Variants in MAEA observed in about 807,000 individuals in gnomAD.
The protein encoded by MAEA is macrophage erythroblast attacher, E3 ubiquitin ligase, also known as E3 ubiquitin-protein transferase MAEA.
In MAEA, 22 loss-of-function variants were observed where a neutral mutation model predicts 46.2. That is an observed-to-expected ratio of 0.48 (90% CI 0.34 to 0.68). MAEA has a LOEUF of 0.68. Among genes scored for constraint, MAEA ranks in the 30% least tolerant of loss-of-function variants. The pLI, the probability that MAEA is intolerant of heterozygous loss-of-function variation, is 0.01. For missense variants in MAEA, 393 were observed against 558.1 expected, an observed-to-expected ratio of 0.70 and a Z score of 2.98; for synonymous variants, 246 against 222.6, an observed-to-expected ratio of 1.11 and a Z score of -0.94.
At chr4:1,293,698 A>T (rs1412623442) in intron 1 of MAEA, among the ~76,000 whole-genome samples, 1 of 152,176 alleles carries the variant, frequency 6.6e-6, no homozygotes, top group Non-Finnish European at 1.5e-5. Context: ...CAAGGTGGTG[A>T]TGCTGTCCTC....
At chr4:1,332,949 G>T in intron 6 of MAEA, 84 bp downstream of exon 6, 1 of 1,033,496 alleles carries the variant, frequency 9.7e-7, no homozygotes, top group Non-Finnish European at 1.4e-6. Context: ...TTCCACACGT[G>T]GGGCGGGACG....
intron 5 of MAEA, chr4:1,329,601 C>T: frequency 1.0e-6 from 1 of 985,472 alleles, no homozygotes; most frequent in Non-Finnish European, 1.2e-6. Flanking sequence ...CTGGGGCCGT[C>T]TTGGGAGTGG....
chr4:1,312,259 C>A, intron 2 of MAEA, 98 bp downstream of exon 2: 1 of 1,459,242 alleles, frequency 6.9e-7, no homozygotes, highest in South Asian at 1.2e-5. Flanking sequence ...ATGATGGGAA[C>A]GCGGGAGGTG....
rs1713295212 is a variant in MAEA at position 1,339,989 on chromosome 4, A to C, written c.*820A>C. 6.5e-6 allele frequency: 1 copy of C among 152,698 alleles called. No homozygotes were observed. The highest frequency in any genetic ancestry group is 1.5e-5 in the Non-Finnish European group (1 of 68,046). 9.5% of individuals were successfully genotyped at this position (152,698 alleles called of 1,614,324 possible). On this transcript the variant is annotated 3_prime_UTR_variant, in exon 9 of 9. Transcript: ENST00000303400. Reference sequence around the variant, plus strand: ...AATCGTTCAGTTGAAAGAAGTACTGATGACTTTTCAAAACAAATGAACCAC... The same window carrying C: ...AATCGTTCAGTTGAAAGAAGTACTGCTGACTTTTCAAAACAAATGAACCAC...
intron 7 of MAEA, 138 bp from the exon 8 acceptor site, chr4:1,338,284 G>A (rs777670704): frequency 3.1e-6 from 2 of 642,462 alleles, no homozygotes; most frequent in Non-Finnish European, 5.3e-6. Flanking sequence ...CCTGTGCCTC[G>A]AAAGACAGCC....
intron 4 of MAEA, among the ~76,000 whole-genome samples, chr4:1,325,404 G>A (rs776468248): frequency 1.5e-5 from 2 of 135,008 alleles, no homozygotes; most frequent in South Asian, 2.3e-4. Context: ...GTGTAGACTC[G>A]GTGTTTTAGA....
chr4:1,304,264 G>A (rs1453054155), intron 1 of MAEA, among the ~76,000 whole-genome samples: 1 of 152,138 alleles, frequency 6.6e-6, no homozygotes, highest in African/African-American at 2.4e-5. Flanking sequence ...GGTAAAGAAT[G>A]TAAAATATCT....
intron 3 of MAEA, among the ~76,000 whole-genome samples, chr4:1,319,093 C>T (rs963866975): frequency 2.6e-5 from 4 of 152,186 alleles, no homozygotes; most frequent in Non-Finnish European, 4.4e-5. Context: ...GCTCTCAACC[C>T]GTAATCCTAG....
rs73073737 is a variant in MAEA at position 1,318,966 on chromosome 4, A to G, written c.456+3366A>G. On this transcript the variant is annotated intron_variant, in intron 3 of 8. Transcript: ENST00000303400. ...GAAGCTGCTGCCCAGGGAAGGCCAC[A>G]CAGGAACAGGACAGGAAGCCTGCTG... Among the ~76,000 whole-genome samples, 732 of 114,800 alleles carry G rather than the reference A, an allele frequency of 6.4e-3. 8 individuals carry two copies. The highest frequency in any genetic ancestry group is 0.027 in the African/African-American group (705 of 26,290). The allele number at this position is 114,800 out of a possible 152,430, so 75.3% of individuals were successfully genotyped here.
At chr4:1,333,289 C>G (rs931116544) in intron 6 of MAEA, among the ~76,000 whole-genome samples, 1 of 151,226 alleles carries the variant, frequency 6.6e-6, no homozygotes, top group Non-Finnish European at 1.5e-5. Context: ...TGCAGTGAGC[C>G]AAGATTGTGC....
chr4:1,307,596 G>A (rs947339887), intron 1 of MAEA, among the ~76,000 whole-genome samples: 1 of 152,206 alleles, frequency 6.6e-6, no homozygotes, highest in Non-Finnish European at 1.5e-5. Flanking sequence ...ATTTATTGGG[G>A]AACTGGCTTG....
Position 1,335,518 on chromosome 4 carries a change from T to C in MAEA, c.766-1343T>C, listed in dbSNP as rs377679071. 15 of 767,732 alleles carry C rather than the reference T, an allele frequency of 2.0e-5. No individual in the cohort carries two copies. The Admixed American group carries it at 3.4e-4, about 17-fold the overall frequency. 47.6% of individuals were successfully genotyped at this position (767,732 alleles called of 1,614,324 possible). ...CAGAGTTAAGTCAGCACTGGCCCCATGGCGTGTTGAAACCACAGAGTTAAG... is the reference window on the plus strand; with the variant it reads ...CAGAGTTAAGTCAGCACTGGCCCCACGGCGTGTTGAAACCACAGAGTTAAG... On this transcript the variant is annotated intron_variant, in intron 6 of 8. Coordinates refer to ENST00000303400, the MANE Select transcript of MAEA (RefSeq NM_001017405.3).
At chr4:1,327,822 T>C in intron 5 of MAEA, 119 bp downstream of exon 5, 1 of 763,924 alleles carries the variant, frequency 1.3e-6, no homozygotes, top group Admixed American at 2.3e-5. Flanking sequence ...CCCCTGGGTC[T>C]TGAGTCTGAC....
At chr4:1,337,296 C>A in intron 7 of MAEA, 1 of 393,506 alleles carries the variant, frequency 2.5e-6, no homozygotes, top group Non-Finnish European at 4.6e-6. Context: ...CGGCAGATTA[C>A]CATTCAGAAT....
intron 2 of MAEA, among the ~76,000 whole-genome samples, chr4:1,314,644 C>A (rs187956558): frequency 6.6e-6 from 1 of 152,120 alleles, no homozygotes; most frequent in South Asian, 2.1e-4. Flanking sequence ...GGTCAGAATC[C>A]GACACAGAGT....
intron 1 of MAEA, among the ~76,000 whole-genome samples, chr4:1,295,207 C>T (rs1040534346): frequency 5.3e-5 from 8 of 152,008 alleles, no homozygotes; most frequent in East Asian, 1.9e-4. Context: ...GGCTTCAGGC[C>T]GAGTGGGGAT....
chr4:1,315,727 T>C (rs2108922936), intron 3 of MAEA, 127 bp downstream of exon 3: 1 of 456,476 alleles, frequency 2.2e-6, no homozygotes, highest in Non-Finnish European at 3.7e-6. Flanking sequence ...CCCACCCCCG[T>C]ATGCTTGTGT....
At chr4:1,304,538 T>C (rs901275190) in intron 1 of MAEA, among the ~76,000 whole-genome samples, 3 of 152,202 alleles carry the variant, frequency 2.0e-5, no homozygotes, top group Admixed American at 6.5e-5. Context: ...CCTCTTGGGT[T>C]TACACCATTC....
At chr4:1,329,387 C>T in intron 5 of MAEA, 1 of 985,468 alleles carries the variant, frequency 1.0e-6, no homozygotes, top group South Asian at 4.7e-5. Context: ...GGGGCCTCCA[C>T]CTCATAATGT....
Sources: gnomAD v4.1 joint callset for allele counts (sites outside exome capture counted in the v4.1 genomes callset) on GRCh38, gnomAD v4.1.1 for gene constraint, MANE v1.5 for transcripts, NCBI Gene and HGNC (gene_info 2026-07-23, HGNC 2026-07-21) for gene names.